HENMT1: variants seen among roughly 807,000 people sequenced by gnomAD.
HENMT1 encodes HEN methyltransferase 1.
A neutral mutation model predicts 31.1 loss-of-function variants in HENMT1; 27 were observed. The ratio of observed to expected loss-of-function variants is 0.87; its 90% CI spans 0.64 to 1.20. HENMT1 has a LOEUF of 1.20. Among genes scored for constraint, HENMT1 ranks in the 50% most tolerant of loss-of-function variants. HENMT1 has a pLI of 0.00. For missense variants in HENMT1, 438 were observed against 469.6 expected (o/e 0.93, Z 0.62); for synonymous variants, 167 against 172.2 (o/e 0.97, Z 0.24).
intron 5 of HENMT1, chr1:108,651,537 C>T (rs1311835481): frequency 2.3e-5 from 4 of 173,952 alleles, no homozygotes; most frequent in East Asian, 1.6e-4. Flanking sequence ...CCCAGCTACT[C>T]GGGAGGCTGA....
chr1:108,659,766 G>A (rs1658386016), intron 2 of HENMT1, 98 bp downstream of exon 2: 1 of 728,626 alleles, frequency 1.4e-6, no homozygotes, highest in Non-Finnish European at 2.3e-6. Context: ...GGAAATGCTA[G>A]GACCTAAATG....
intron 5 of HENMT1, among the ~76,000 whole-genome samples, chr1:108,653,418 T>C (rs1658118436): frequency 6.6e-6 from 1 of 152,228 alleles, no homozygotes. Context: ...TGCACATCTC[T>C]CTTCAATATA....
intron 3 of HENMT1, among the ~76,000 whole-genome samples, chr1:108,656,870 C>G (rs568548158): frequency 2.0e-5 from 3 of 152,284 alleles, no homozygotes; most frequent in Non-Finnish European, 4.4e-5. Context: ...AAGATCACAT[C>G]CAACTATAAA....
rs763495370 is a variant in HENMT1 at position 108,651,083 on chromosome 1, G to C, written c.525C>G (p.Thr175=). ...CAAATTTATGATCTGAATCTCTTAA[G>C]GTCACTGATGGAAACAGGGGATTGA... is the stretch of plus-strand genomic sequence containing the variant. The part of the protein sequence containing the change: ...SEFNPLFPSV[T]LRDSDHKFEW... The change falls in exon 6 of 8, where the codon ACC becomes ACG. Residue 175 remains threonine (T), a synonymous_variant. Transcript: ENST00000651461. The C allele has an allele frequency of 4.3e-6, 7 of 1,613,810 alleles. No individual in the cohort carries two copies. Among genetic ancestry groups the C allele is most frequent in the African/African-American group, 2.7e-5 (2 of 74,896 alleles).
chr1:108,651,335 G>A, intron 5 of HENMT1, 126 bp from the exon 6 acceptor site: 1 of 767,990 alleles, frequency 1.3e-6, no homozygotes. Flanking sequence ...ATGTAATAAT[G>A]CTTATATGAC....
At chr1:108,650,533 T>C in intron 6 of HENMT1, 145 bp from the exon 7 acceptor site, 1 of 719,166 alleles carries the variant, frequency 1.4e-6, no homozygotes, top group Non-Finnish European at 2.2e-6. Context: ...TAACCACCAG[T>C]GTATTTATTT....
At chr1:108,660,001 TG>T in intron 1 of HENMT1, 39 bp from the exon 2 acceptor site, 1 of 1,125,046 alleles carries the variant, frequency 8.9e-7, no homozygotes, top group South Asian at 1.7e-5. Flanking sequence ...AAGCGATACC[TG>T]AAAGAAATAG....
intron 7 of HENMT1, among the ~76,000 whole-genome samples, chr1:108,649,652 TTTC>T (rs765429788): frequency 4.6e-5 from 7 of 152,104 alleles, no homozygotes; most frequent in South Asian, 2.1e-4. Flanking sequence ...GGAGGAAGTG[TTTC>T]TTCTTCTTCT....
At chr1:108,652,254 T>C (rs951662801) in intron 5 of HENMT1, among the ~76,000 whole-genome samples, 5 of 152,260 alleles carry the variant, frequency 3.3e-5, no homozygotes, top group Non-Finnish European at 7.3e-5. Context: ...ACTGTATCAA[T>C]GTTCAATTTC....
At chr1:108,655,366 C>G (rs1483251358) in intron 4 of HENMT1, among the ~76,000 whole-genome samples, 1 of 152,098 alleles carries the variant, frequency 6.6e-6, no homozygotes, top group Non-Finnish European at 1.5e-5. Context: ...ATTTACAATG[C>G]TTTGATTATT....
intron 1 of HENMT1, among the ~76,000 whole-genome samples, chr1:108,660,588 C>T (rs557766354): frequency 1.1e-4 from 16 of 152,330 alleles, no homozygotes; most frequent in Non-Finnish European, 1.2e-4. Context: ...AACAACTAGA[C>T]TTTAATCTGG....
At chr1:108,651,364 GC>G in intron 5 of HENMT1, 155 bp from the exon 6 acceptor site, 1 of 660,742 alleles carries the variant, frequency 1.5e-6, no homozygotes, top group South Asian at 2.0e-5. Context: ...AATTATTCGG[GC>G]CAGGCACAGT....
chr1:108,650,411 AATCATTTTT>A, intron 6 of HENMT1, 23 bp from the exon 7 acceptor site: 1 of 1,596,052 alleles, frequency 6.3e-7, no homozygotes, highest in East Asian at 2.2e-5. Context: ...CGAGGACAGC[AATCATTTTT>A]CTAAATGTAG....
At chr1:108,653,942 T>A (rs1308683401) in intron 5 of HENMT1, among the ~76,000 whole-genome samples, 1 of 152,226 alleles carries the variant, frequency 6.6e-6, no homozygotes, top group East Asian at 1.9e-4. Flanking sequence ...TGTGCTTTTG[T>A]AGTCTTACTC....
At chr1:108,656,236 A>C (rs1376240159) in intron 3 of HENMT1, among the ~76,000 whole-genome samples, 2 of 152,192 alleles carry the variant, frequency 1.3e-5, no homozygotes. Context: ...ACAAAGATAT[A>C]AACTAATACC....
intron 6 of HENMT1, among the ~76,000 whole-genome samples, chr1:108,650,604 G>A (rs1225835609): frequency 6.6e-6 from 1 of 152,198 alleles, no homozygotes; most frequent in East Asian, 1.9e-4. Flanking sequence ...GAATATGGAA[G>A]ACGAAAGGAA....
At chr1:108,653,569 G>A (rs890684555) in intron 5 of HENMT1, among the ~76,000 whole-genome samples, 1 of 152,170 alleles carries the variant, frequency 6.6e-6, no homozygotes, top group Non-Finnish European at 1.5e-5. Context: ...GTTTATATGA[G>A]TTCCCTTTCT....
chr1:108,655,491 CTT>C (rs1267624052), intron 4 of HENMT1, 93 bp downstream of exon 4: 3 of 703,314 alleles, frequency 4.3e-6, no homozygotes, highest in Non-Finnish European at 2.3e-6. Context: ...TGGCCCCAAT[CTT>C]TTAAAACAAA....
Position 108,651,191 on chromosome 1 carries a change from T to C in HENMT1, c.417A>G (p.Ser139=). Residue 139 remains serine (S), a synonymous_variant, in exon 6 of 8, where the codon TCA becomes TCG. Coordinates refer to ENST00000651461, the MANE Select transcript of HENMT1 (RefSeq NM_001102592.2). ...TCIELIEHLD[S]GDLARFPEVV... The stretch of plus-strand genomic sequence containing the variant: ...CTTCAGGAAATCTGGCCAGATCACC[T>C]GAATCCAAATGTTCTATTCTAAAAT... 6.2e-7 allele frequency: 1 copy of C among 1,613,436 alleles called. No homozygotes were observed. The highest frequency in any genetic ancestry group is 1.1e-5 in the South Asian group (1 of 90,886).
Sources: allele counts gnomAD v4.1 joint callset (sites outside exome capture counted in the v4.1 genomes callset), GRCh38; gene constraint gnomAD v4.1.1; transcripts MANE v1.5; gene names NCBI Gene and HGNC (gene_info 2026-07-23, HGNC 2026-07-21).